Variants in BID observed in about 807,000 individuals in gnomAD.
The protein encoded by BID is BH3-interacting domain death agonist.
BID carries 19 observed loss-of-function variants against 17.4 expected under a neutral mutation model. That is an observed-to-expected ratio of 1.09 (90% CI 0.76 to 1.60). The LOEUF (loss-of-function observed/expected upper bound fraction) is 1.60, where lower values mean the gene tolerates loss of function less well. BID is among the 40% of genes most tolerant of loss of function. BID has a pLI of 0.00. For synonymous variants in BID, 108 were observed against 102.8 expected (o/e 1.05, Z -0.31); for missense variants, 226 against 256.0 (o/e 0.88, Z 0.80).
rs908249052 is a variant in BID, at chr22:17,743,939, A to C, written c.87T>G (p.Ser29=). Residue 29 remains serine (S), a synonymous_variant, in exon 3 of 6, where the codon TCT becomes TCG. Coordinates refer to ENST00000622694, the MANE Select transcript of BID (RefSeq NM_001196.4). ...CCAGCTCTCTGCGGAAGCTGTTGTCAGAACAGCTTTGGAGGAAGCCAAACA... is the reference window on the plus strand; with the variant it reads ...CCAGCTCTCTGCGGAAGCTGTTGTCCGAACAGCTTTGGAGGAAGCCAAACA... ...LLVFGFLQSC[S]DNSFRRELDA... is the part of the protein sequence containing the mutation. 6.2e-6 allele frequency: 10 copies of C among 1,613,898 alleles called. No homozygotes were observed. The African/African-American group carries it at 1.2e-4, about 19-fold the overall frequency.
At chr22:17,755,351 C>T (rs759510914) in intron 1 of BID, among the ~76,000 whole-genome samples, 1 of 151,996 alleles carries the variant, frequency 6.6e-6, no homozygotes, top group Non-Finnish European at 1.5e-5. Context: ...GAAATGTGAA[C>T]ACACATGGAC....
chr22:17,765,070 T>C (rs2061668740), intron 1 of BID, among the ~76,000 whole-genome samples: 1 of 152,134 alleles, frequency 6.6e-6, no homozygotes, highest in Admixed American at 6.6e-5. Flanking sequence ...GGTAGAGAAT[T>C]TGCCGAGTCA....
chr22:17,762,913 G>C (rs8139808), intron 1 of BID, among the ~76,000 whole-genome samples: 3,897 of 151,946 alleles, frequency 0.026, 189 homozygotes, highest in African/African-American at 0.09. Flanking sequence ...GTCTCACTCT[G>C]TCACCCAGGC....
At chr22:17,743,771 C>A in intron 3 of BID, 32 bp downstream of exon 3, 2 of 1,584,160 alleles carry the variant, frequency 1.3e-6, no homozygotes, top group Non-Finnish European at 1.7e-6. Flanking sequence ...AGAAGCCCAG[C>A]TTTGGGGAAG....
chr22:17,757,674 A>T (rs997123040), intron 1 of BID, among the ~76,000 whole-genome samples: 5 of 147,286 alleles, frequency 3.4e-5, no homozygotes, highest in South Asian at 2.1e-4. Context: ...GCGCCACTGT[A>T]CTCCAGCCTG....
At position 17,751,547 on chromosome 22, in the gene BID, T is replaced by C. The variant is rs182289626; in HGVS notation, c.-58-1373A>G. Among the ~76,000 whole-genome samples the C allele has an allele frequency of 2.8e-4, 42 of 152,218 alleles. No individual in the cohort carries two copies. In the East Asian group the frequency reaches 7.5e-3, roughly 27 times the overall value. ...CCATTTTGTAGGACAAAACCAAGCA[T>C]TGGCAATTTCACATGGTTCCTGAAT... On this transcript the variant is annotated intron_variant, in intron 1 of 5. Coordinates refer to ENST00000622694, the MANE Select transcript of BID (RefSeq NM_001196.4).
chr22:17,742,221 C>G (rs1033629666), intron 3 of BID, among the ~76,000 whole-genome samples: 1 of 152,216 alleles, frequency 6.6e-6, no homozygotes, highest in Non-Finnish European at 1.5e-5. Context: ...ATCACTTTTG[C>G]AGGTGCCACT....
intron 1 of BID, among the ~76,000 whole-genome samples, chr22:17,759,250 A>AAAAAAAAAC (rs1569049672): frequency 4.7e-5 from 7 of 148,408 alleles, no homozygotes; most frequent in Non-Finnish European, 8.9e-5. Context: ...ACAAAACAAA[A>AAAAAAAAAC]AAAAAAAAAC....
intron 1 of BID, among the ~76,000 whole-genome samples, chr22:17,763,932 T>C (rs1193627976): frequency 1.3e-5 from 2 of 151,098 alleles, no homozygotes; most frequent in East Asian, 3.9e-4. Flanking sequence ...AAAGCAGACA[T>C]GTTTGGCTGA....
chr22:17,757,166 G>C (rs1377574158), intron 1 of BID, among the ~76,000 whole-genome samples: 1 of 152,034 alleles, frequency 6.6e-6, no homozygotes, highest in African/African-American at 2.4e-5. Context: ...TGTAATCCCA[G>C]CACTTTGGGA....
chr22:17,748,080 G>A (rs1046261919), intron 2 of BID, among the ~76,000 whole-genome samples: 1 of 150,496 alleles, frequency 6.6e-6, no homozygotes, highest in African/African-American at 2.5e-5. Context: ...GTGGTGGTGG[G>A]CGCCTGTAGT....
chr22:17,772,227 C>T (rs909025195), intron 1 of BID, among the ~76,000 whole-genome samples: 1 of 152,260 alleles, frequency 6.6e-6, no homozygotes, highest in African/African-American at 2.4e-5. Flanking sequence ...TTCTTCAGAC[C>T]TGTCATTGGC....
chr22:17,760,497 G>C (rs2061630216), intron 1 of BID, among the ~76,000 whole-genome samples: 1 of 146,006 alleles, frequency 6.8e-6, no homozygotes, highest in African/African-American at 2.6e-5. Flanking sequence ...CCATCTACCA[G>C]AGCAGAGCCT....
intron 1 of BID, 149 bp from the exon 2 acceptor site, chr22:17,750,323 T>G: frequency 1.4e-6 from 1 of 695,798 alleles, no homozygotes; most frequent in Non-Finnish European, 2.4e-6. Context: ...TCTTTCTCCT[T>G]GGCGGGAGCC....
Position 17,773,720 on chromosome 22 carries a change from T to G in BID, c.-59+661A>C, listed in dbSNP as rs771306102. 1.3e-5 allele frequency: 21 copies of G among 1,598,634 alleles called. No individual in the cohort carries two copies. The South Asian group carries it at 2.1e-4, about 16-fold the overall frequency. On this transcript the variant is annotated intron_variant, in intron 1 of 5. Coordinates refer to ENST00000622694, the MANE Select transcript of BID (RefSeq NM_001196.4). This position sits in a 1 kb window ranked among gnomAD's most constrained non-coding sequence, Gnocchi z 4.4. The stretch of plus-strand genomic sequence containing the variant: ...TTTGTTGAATGAATGAATGAACCCT[T>G]GCCAGCCCAGCCACTTGGTGGCTGA...
At chr22:17,760,846 A>G (rs1450693825) in intron 1 of BID, among the ~76,000 whole-genome samples, 3 of 152,250 alleles carry the variant, frequency 2.0e-5, no homozygotes, top group East Asian at 3.9e-4. Flanking sequence ...ACGATTTTCT[A>G]ATGCATCTGG....
At chr22:17,766,055 A>T (rs1048980262) in intron 1 of BID, among the ~76,000 whole-genome samples, 6 of 152,032 alleles carry the variant, frequency 3.9e-5, no homozygotes, top group Non-Finnish European at 8.8e-5. Flanking sequence ...CAGCCTCCAG[A>T]GCCGGGACTA....
chr22:17,736,525 C>T (rs1413823930), intron 5 of BID, among the ~76,000 whole-genome samples: 1 of 151,768 alleles, frequency 6.6e-6, no homozygotes, highest in Non-Finnish European at 1.5e-5. Flanking sequence ...AAGACACATC[C>T]ACTTAATTTC....
Position 17,746,393 on chromosome 22 carries a change from C to T in BID, c.13-2380G>A, listed in dbSNP as rs142311344. Among the ~76,000 whole-genome samples the T allele has an allele frequency of 5.9e-4, 90 of 152,306 alleles. 1 individual carries two copies. The highest frequency in any genetic ancestry group is 2.0e-3 in the African/African-American group (83 of 41,574). ...TATTGCTATTCAGCCTTTACTTCTC[C>T]AAAGTTGTTTCTGAAGAGAGGAAAA... On this transcript the variant is annotated intron_variant, in intron 2 of 5. Coordinates refer to ENST00000622694, the MANE Select transcript of BID (RefSeq NM_001196.4).
Sources: gnomAD v4.1 joint callset for allele counts (sites outside exome capture counted in the v4.1 genomes callset) on GRCh38, gnomAD v4.1.1 for gene constraint, Gnocchi (gnomAD v3.1) non-coding constraint, MANE v1.5 for transcripts, NCBI Gene and HGNC (gene_info 2026-07-23, HGNC 2026-07-21) for gene names.